EXT1: variants seen among roughly 807,000 people sequenced by gnomAD.
The protein encoded by EXT1 is exostosin glycosyltransferase 1.
Under a neutral mutation model 82.5 loss-of-function variants are expected in EXT1, and 20 were observed. The ratio of observed to expected loss-of-function variants is 0.24; its 90% confidence interval spans 0.17 to 0.35. The LOEUF is 0.35. Ranked by LOEUF, EXT1 falls within the 10% of genes least tolerant of loss-of-function variation. The probability of loss-of-function intolerance (pLI) is 1.00; values close to 1 mark genes in which losing one functional copy is unlikely to be tolerated. For missense variants in EXT1, 757 were observed against 936.5 expected (o/e 0.81, Z 2.50); for synonymous variants, 348 against 350.8 (o/e 0.99, Z 0.09).
At chr8:117,972,469 A>G (rs891946822) in intron 1 of EXT1, among the ~76,000 whole-genome samples, 1 of 152,174 alleles carries the variant, frequency 6.6e-6, no homozygotes, top group Non-Finnish European at 1.5e-5. Flanking sequence ...CAAATGGTAA[A>G]AGAGGTGAAG....
intron 1 of EXT1, among the ~76,000 whole-genome samples, chr8:118,025,737 T>C (rs17453861): frequency 2.8e-3 from 419 of 152,282 alleles, no homozygotes; most frequent in Non-Finnish European, 5.0e-3. Context: ...AGGAGTCTTG[T>C]TTCCTTTTTT....
At chr8:118,064,281 C>T (rs1183538136) in intron 1 of EXT1, among the ~76,000 whole-genome samples, 1 of 152,008 alleles carries the variant, frequency 6.6e-6, no homozygotes, top group African/African-American at 2.4e-5. Context: ...CTGTGCTCAT[C>T]AACCCATCAT....
At position 118,110,587 on chromosome 8, in the gene EXT1, A is replaced by G. The variant is rs757114989; in HGVS notation, c.460T>C (p.Phe154Leu). Residue 154 changes from phenylalanine to leucine, a missense_variant, in exon 1 of 11, where the codon TTT (phenylalanine) becomes CTT (leucine). Physicochemically the swap from Phe to Leu is conservative, Grantham distance 22 (BLOSUM62 0). Around this residue, in one of 4 missense-constraint regions of EXT1, gnomAD observed 247 missense variants for 330.1 expected, o/e 0.75. Transcript: ENST00000378204. ...TCTAAAGTATCCAGACTCAGGACAA[A>G]GAGGCACGCCTGGCTGGGGTCCGAG... ...YTSDPSQACL[F>L]VLSLDTLDRD... 3 of 1,614,074 alleles carry G rather than the reference A, an allele frequency of 1.9e-6. No individual in the cohort carries two copies. The East Asian group carries it at 6.7e-5, about 36-fold the overall frequency.
chr8:118,019,265 AAG>A (rs1201974419), intron 1 of EXT1, among the ~76,000 whole-genome samples: 1 of 152,022 alleles, frequency 6.6e-6, no homozygotes, highest in Non-Finnish European at 1.5e-5. Flanking sequence ...GAAAGAAAGA[AAG>A]AAAGAAAGAA....
At chr8:118,014,507 T>C (rs1477630502) in intron 1 of EXT1, among the ~76,000 whole-genome samples, 1 of 152,214 alleles carries the variant, frequency 6.6e-6, no homozygotes, top group East Asian at 1.9e-4. Flanking sequence ...GAACCACCTG[T>C]AATGCCAAAG....
rs142594407 is a variant in EXT1, at chr8:117,922,427, C to T, written c.963-85226G>A. 1.4e-3 allele frequency among the ~76,000 whole-genome samples: 215 copies of T among 152,250 alleles called. 1 individual carries two copies. The highest frequency in any genetic ancestry group is 4.6e-3 in the African/African-American group (192 of 41,544). ...AAAAGAACAGAGGGGCAAGTTGTTG[C>T]GTTACTAGAGTAGGTTGGTAGCCAA... On this transcript the variant is annotated intron_variant, in intron 1 of 10. Coordinates refer to ENST00000378204, the MANE Select transcript of EXT1 (RefSeq NM_000127.3).
chr8:117,913,488 T>C (rs1166820634), intron 1 of EXT1, among the ~76,000 whole-genome samples: 1 of 152,214 alleles, frequency 6.6e-6, no homozygotes, highest in Non-Finnish European at 1.5e-5. Context: ...TTCTTTCCTA[T>C]TGTCATTAGT....
At chr8:117,968,265 C>T (rs945389663) in intron 1 of EXT1, among the ~76,000 whole-genome samples, 6 of 151,848 alleles carry the variant, frequency 4.0e-5, no homozygotes, top group African/African-American at 1.5e-4. Flanking sequence ...AACACCGTGC[C>T]CAGCTAATTA....
chr8:118,001,159 T>A (rs1815656707), intron 1 of EXT1, among the ~76,000 whole-genome samples: 1 of 152,200 alleles, frequency 6.6e-6, no homozygotes, highest in Admixed American at 6.5e-5. Flanking sequence ...ATTTTCTCAA[T>A]TCTCTACTGT....
chr8:118,078,021 G>A (rs1358306574), intron 1 of EXT1, among the ~76,000 whole-genome samples: 2 of 151,948 alleles, frequency 1.3e-5, no homozygotes, highest in Admixed American at 1.3e-4. Context: ...TATTATTCAG[G>A]TGTACCTCCC....
chr8:117,861,738 C>T (rs1812691604), intron 1 of EXT1, among the ~76,000 whole-genome samples: 1 of 144,138 alleles, frequency 6.9e-6, no homozygotes, highest in Non-Finnish European at 1.6e-5. Context: ...TTAAGTGATC[C>T]ACCCACCTCA....
chr8:118,050,729 AT>A (rs1475658967), intron 1 of EXT1, among the ~76,000 whole-genome samples: 2 of 152,128 alleles, frequency 1.3e-5, no homozygotes, highest in Non-Finnish European at 1.5e-5. Flanking sequence ...TCTTCTTTTG[AT>A]TTTTTTAACC....
intron 1 of EXT1, among the ~76,000 whole-genome samples, chr8:117,866,059 T>C (rs540719189): frequency 2.0e-5 from 3 of 152,174 alleles, no homozygotes; most frequent in Non-Finnish European, 4.4e-5. Flanking sequence ...ACCCCATCTC[T>C]ACTAAAACTA....
intron 1 of EXT1, among the ~76,000 whole-genome samples, chr8:117,856,316 G>A (rs1307187335): frequency 4.0e-5 from 6 of 149,770 alleles, no homozygotes; most frequent in Admixed American, 2.7e-4. Flanking sequence ...GTGCAGTGGC[G>A]TGATCTCTGC....
At chr8:117,929,115 A>T (rs538182854) in intron 1 of EXT1, among the ~76,000 whole-genome samples, 1 of 152,330 alleles carries the variant, frequency 6.6e-6, no homozygotes, top group South Asian at 2.1e-4. Context: ...GAGTTCATAC[A>T]TGTACAGTGC....
chr8:117,819,737 G>C lies in EXT1; in HGVS notation c.1475C>G (p.Ser492Cys). 2 of 1,613,384 alleles carry C rather than the reference G, an allele frequency of 1.2e-6. No individual in the cohort carries two copies. Among genetic ancestry groups the C allele is most frequent in the Non-Finnish European group, 1.7e-6 (2 of 1,180,038 alleles). ...AVIHAVTPLV[S>C]QSQPVLKLLV... is the part of the protein sequence containing the mutation. ...AAGCTTCAACACTGGCTGGGACTGA[G>C]AGACCAGGGGGGTCACCGCATGGAT... is the stretch of plus-strand genomic sequence containing the variant. Residue 492 changes from serine to cysteine, a missense_variant, in exon 6 of 11, where the codon TCT becomes TGT. Physicochemically the swap from Ser to Cys is moderately radical, Grantham distance 112. Coordinates refer to ENST00000378204, the MANE Select transcript of EXT1 (RefSeq NM_000127.3).
chr8:118,073,845 T>C (rs1817153054), intron 1 of EXT1, among the ~76,000 whole-genome samples: 1 of 152,168 alleles, frequency 6.6e-6, no homozygotes, highest in South Asian at 2.1e-4. Context: ...TAAAGCCAAA[T>C]ACTGTGTTAA....
At position 118,111,667 on chromosome 8, in the gene EXT1, G is replaced by C. The variant is rs1003411305; in HGVS notation, c.-621C>G. 11 of 352,206 alleles carry C rather than the reference G, an allele frequency of 3.1e-5. No homozygotes were observed. Among genetic ancestry groups the C allele is most frequent in the Admixed American group, 2.9e-4 (6 of 20,818 alleles). 21.8% of individuals were successfully genotyped at this position (352,206 alleles called of 1,614,324 possible). ...TGTTTACTCCTGCGCTCGCGGGGCC[G>C]GCCCCCGGGACGCGCGGCGGCCCGG... On this transcript the variant is annotated 5_prime_UTR_variant, in exon 1 of 11. Transcript: ENST00000378204.
At chr8:117,889,967 T>C (rs1315183504) in intron 1 of EXT1, among the ~76,000 whole-genome samples, 1 of 152,212 alleles carries the variant, frequency 6.6e-6, no homozygotes, top group Admixed American at 6.5e-5. Flanking sequence ...ATAATTTCCC[T>C]GACAAAACCA....
Sources: allele counts gnomAD v4.1 joint callset (sites outside exome capture counted in the v4.1 genomes callset), GRCh38; gene constraint gnomAD v4.1.1; regional missense constraint gnomAD v4.1.1; transcripts MANE v1.5; gene names NCBI Gene and HGNC (gene_info 2026-07-23, HGNC 2026-07-21).